Variants in MTERF4 observed in about 807,000 individuals in gnomAD.
The protein encoded by MTERF4 is mitochondrial transcription termination factor 4.
In MTERF4, 17 loss-of-function variants were observed where a neutral mutation model predicts 22.5. The observed-to-expected ratio is 0.75, with a 90% CI of 0.52 to 1.13. MTERF4 has a LOEUF of 1.13. Ranked by LOEUF, MTERF4 falls within the 50% of genes most tolerant of loss-of-function variation. The probability of loss-of-function intolerance (pLI) is 0.00; values close to 1 mark genes in which losing one functional copy is unlikely to be tolerated. For synonymous variants in MTERF4, 165 were observed against 175.3 expected (o/e 0.94, Z 0.47); for missense variants, 420 against 466.8 (o/e 0.90, Z 0.92).
chr2:241,044,726 A>G, the MTERF4 span, among the ~76,000 whole-genome samples: 34 of 151,996 alleles, frequency 2.2e-4, no homozygotes, highest in Non-Finnish European at 2.9e-5. Context: ...GAAGGAAGAA[A>G]CCTTCCTCTC....
chr2:241,047,169 AG>A, the MTERF4 span, among the ~76,000 whole-genome samples: 33 of 68,506 alleles, frequency 4.8e-4, no homozygotes, highest in East Asian at 3.2e-3. Context: ...AAAAAAAAAA[AG>A]TAAATTAGGT....
chr2:241,091,366 G>A (rs912725572), downstream of MTERF4, among the ~76,000 whole-genome samples: 3 of 151,896 alleles, frequency 2.0e-5, no homozygotes, highest in African/African-American at 7.3e-5. This position sits in a 1 kb window ranked among gnomAD's most constrained non-coding sequence, Gnocchi z 4.1. Flanking sequence ...TTGCAATGCT[G>A]AGCCCACATG....
downstream of MTERF4, chr2:241,087,907 G>A (rs540412121): frequency 1.9e-5 from 8 of 418,850 alleles, no homozygotes; most frequent in East Asian, 7.1e-5. Flanking sequence ...AAAGAAGTAC[G>A]TGAGAATATT....
At chr2:241,065,063 G>A in the MTERF4 span, 20 of 945,370 alleles carry the variant, frequency 2.1e-5, no homozygotes, top group Non-Finnish European at 3.1e-5. Context: ...GCTTGCCCAG[G>A]CCCCTTCCCT....
intron 1 of MTERF4, among the ~76,000 whole-genome samples, chr2:241,101,674 A>C (rs2064714536): frequency 1.3e-5 from 2 of 152,238 alleles, no homozygotes; most frequent in Non-Finnish European, 2.9e-5. Context: ...AACTGGGCTC[A>C]AGCCTAAAGA....
At chr2:241,065,308 C>T in the MTERF4 span, 1 of 1,612,730 alleles carries the variant, frequency 6.2e-7, no homozygotes, top group Non-Finnish European at 8.5e-7. Flanking sequence ...GAGCTCTTCC[C>T]ACCGACGGCC....
chr2:241,090,219 T>G, downstream of MTERF4: 1 of 1,483,822 alleles, frequency 6.7e-7, no homozygotes, highest in Non-Finnish European at 9.0e-7. Context: ...TAATTGTTTT[T>G]TACTATTTAA....
At chr2:241,081,276 C>T (rs2063314715) in intron 4 of MTERF4, among the ~76,000 whole-genome samples, 1 of 151,856 alleles carries the variant, frequency 6.6e-6, no homozygotes. Context: ...GGAGGGACCT[C>T]AGGATCCAAG....
downstream of MTERF4, chr2:241,089,184 T>G: frequency 9.5e-7 from 1 of 1,050,434 alleles, no homozygotes; most frequent in Non-Finnish European, 1.4e-6. Context: ...AGTTTCATAC[T>G]GACCATCATT....
At chr2:241,076,852 G>T (rs1452891715) in intron 4 of MTERF4, among the ~76,000 whole-genome samples, 4 of 152,226 alleles carry the variant, frequency 2.6e-5, no homozygotes, top group Non-Finnish European at 4.4e-5. Flanking sequence ...AGCACTTTGG[G>T]AGGCCGAGGC....
At chr2:241,069,868 C>T, downstream of MTERF4, 1 of 1,579,984 alleles carries the variant, frequency 6.3e-7, no homozygotes, top group Non-Finnish European at 8.6e-7. This position sits in a 1 kb window ranked among gnomAD's most constrained non-coding sequence, Gnocchi z 4.9. Flanking sequence ...GTGTTCTTGC[C>T]AGAAGACCCT....
chr2:241,087,675 G>A, downstream of MTERF4: 1 of 1,372,186 alleles, frequency 7.3e-7, no homozygotes, highest in Non-Finnish European at 9.4e-7. Flanking sequence ...ACCCAGAGGG[G>A]CACAGCCGGG....
chr2:241,073,475 C>A lies in MTERF4; in HGVS notation n.2687G>T. 1.1e-6 allele frequency: 1 copy of A among 897,112 alleles called. No individual in the cohort carries two copies. The highest frequency in any genetic ancestry group is 1.8e-6 in the Non-Finnish European group (1 of 553,480). 55.6% of individuals were successfully genotyped at this position (897,112 alleles called of 1,614,324 possible). On this transcript the variant is annotated non_coding_transcript_exon_variant, in exon 5 of 5. Transcript: ENST00000464344. This position sits in a 1 kb window ranked among gnomAD's most constrained non-coding sequence, Gnocchi z 6.6. ...CGGTGAGGAATCAGGAGGCACAGAGCCTACCTGAGGGGAGGCTGAGCACCA... is the reference window on the plus strand; with the variant it reads ...CGGTGAGGAATCAGGAGGCACAGAGACTACCTGAGGGGAGGCTGAGCACCA...
the MTERF4 span, among the ~76,000 whole-genome samples, chr2:241,056,747 A>AT: frequency 2.7e-5 from 4 of 150,526 alleles, no homozygotes; most frequent in South Asian, 2.1e-4. Context: ...CGCCCGGCTA[A>AT]TTTTTTTTTA....
At chr2:241,062,385 A>T in the MTERF4 span, among the ~76,000 whole-genome samples, 1 of 152,248 alleles carries the variant, frequency 6.6e-6, no homozygotes, top group African/African-American at 2.4e-5. Flanking sequence ...TTGAAAAGAA[A>T]GCTGTGGTGA....
In MTERF4 at chr2:241,095,768, A is replaced by C; in HGVS notation, c.*230T>G. On this transcript the variant is annotated 3_prime_UTR_variant, in exon 4 of 4. Transcript: ENST00000391980. ...ACATAAGTATCTTATTCAGGATGGG[A>C]CAGGGCCCTCCCCACAGACACGTGA... The C allele has an allele frequency of 3.0e-6, 2 of 665,098 alleles. No individual in the cohort carries two copies. Among genetic ancestry groups the C allele is most frequent in the Non-Finnish European group, 5.0e-6 (2 of 399,666 alleles). The allele number at this position is 665,098 out of a possible 1,614,324, so 41.2% of individuals were successfully genotyped here. A position where few individuals can be genotyped will look rare whatever the true frequency, so the allele number is the denominator to read the frequency against.
chr2:241,072,265 G>A (rs1045051024), exon 5 of MTERF4: 18 of 474,970 alleles, frequency 3.8e-5, no homozygotes, highest in African/African-American at 2.4e-4. Flanking sequence ...CCGCCACTCC[G>A]AGTGTGGTCC....
chr2:241,079,833 G>A (rs1263090761), intron 4 of MTERF4, among the ~76,000 whole-genome samples: 1 of 152,178 alleles, frequency 6.6e-6, no homozygotes, highest in African/African-American at 2.4e-5. Flanking sequence ...GCCAAGGAAT[G>A]TTAGGCTATA....
At chr2:241,074,294 C>T (rs1003145725) in exon 5 of MTERF4, 12 of 152,234 alleles carry the variant, frequency 7.9e-5, no homozygotes, top group South Asian at 2.1e-4. Context: ...CCATCCCCCC[C>T]CCGCCCTCAC....
Sources: allele counts gnomAD v4.1 joint callset (sites outside exome capture counted in the v4.1 genomes callset), GRCh38; gene constraint gnomAD v4.1.1; non-coding constraint Gnocchi (gnomAD v3.1); transcripts MANE v1.5; gene names NCBI Gene and HGNC (gene_info 2026-07-23, HGNC 2026-07-21).